The following CPNE4 variants were observed in gnomAD, a reference collection of about 807,000 sequenced individuals.
CPNE4 encodes the protein copine 4, also known as copine-4.
Under a neutral mutation model 67.9 loss-of-function variants are expected in CPNE4, and 25 were observed. That is an observed-to-expected ratio of 0.37 (90% CI 0.27 to 0.51). The LOEUF (loss-of-function observed/expected upper bound fraction) is 0.51, where lower values mean the gene tolerates loss of function less well. CPNE4 is among the 20% of genes least tolerant of loss of function. The pLI, the probability that CPNE4 is intolerant of heterozygous loss-of-function variation, is 0.93. For missense variants in CPNE4, 464 were observed against 690.8 expected (o/e 0.67, Z 3.68); for synonymous variants, 242 against 244.9 (o/e 0.99, Z 0.11).
chr3:131,637,589 G>A (rs1421141879), intron 7 of CPNE4, among the ~76,000 whole-genome samples: 1 of 152,172 alleles, frequency 6.6e-6, no homozygotes, highest in Admixed American at 6.5e-5. Flanking sequence ...CAAGGAAGAA[G>A]AGAAATCTAA....
At chr3:131,644,594 C>G (rs2079618466) in intron 7 of CPNE4, among the ~76,000 whole-genome samples, 1 of 152,130 alleles carries the variant, frequency 6.6e-6, no homozygotes, top group South Asian at 2.1e-4. Context: ...ATATGAATCA[C>G]ATTTATTCTT....
chr3:132,001,567 G>GAAAGAAAT, intron 1 of CPNE4, among the ~76,000 whole-genome samples: 1 of 134,332 alleles, frequency 7.4e-6, no homozygotes, highest in African/African-American at 2.9e-5. Flanking sequence ...AAGAAAGAAA[G>GAAAGAAAT]AAAGAAAGAA....
At chr3:131,688,545 T>C (rs2080952013) in intron 5 of CPNE4, among the ~76,000 whole-genome samples, 1 of 152,216 alleles carries the variant, frequency 6.6e-6, no homozygotes, top group Admixed American at 6.5e-5. Flanking sequence ...AGTAGCTTGT[T>C]CCTACGTGCC....
intron 3 of CPNE4, among the ~76,000 whole-genome samples, chr3:131,711,309 G>A (rs755375531): frequency 6.6e-6 from 1 of 152,190 alleles, no homozygotes; most frequent in Non-Finnish European, 1.5e-5. Flanking sequence ...CACTGCTTTT[G>A]TCTTCTCAAT....
intron 1 of CPNE4, among the ~76,000 whole-genome samples, chr3:131,999,030 G>A (rs1287836879): frequency 1.3e-5 from 2 of 151,898 alleles, no homozygotes; most frequent in East Asian, 1.9e-4. Flanking sequence ...GGGTGGGCAG[G>A]GGAGGCTAAG....
intron 7 of CPNE4, among the ~76,000 whole-genome samples, chr3:131,628,796 T>C (rs1376101453): frequency 6.6e-6 from 1 of 152,268 alleles, no homozygotes; most frequent in East Asian, 1.9e-4. Context: ...CTTTTCTTCT[T>C]TATTAGTCTT....
chr3:131,694,839 CA>C (rs1449794833), intron 5 of CPNE4, among the ~76,000 whole-genome samples: 1 of 152,204 alleles, frequency 6.6e-6, no homozygotes, highest in East Asian at 1.9e-4. Context: ...GCATCAACAT[CA>C]TAGACAGCAG....
chr3:132,012,173 G>GT (rs10663165), intron 1 of CPNE4, among the ~76,000 whole-genome samples: 94,386 of 136,062 alleles, frequency 0.69, 34,157 homozygotes, highest in South Asian at 0.8. Flanking sequence ...TTGCTTTTTC[G>GT]TTTTTTTTTT....
chr3:131,762,875 T>C (rs1218716040), intron 2 of CPNE4, among the ~76,000 whole-genome samples: 5 of 151,374 alleles, frequency 3.3e-5, no homozygotes, highest in Non-Finnish European at 7.4e-5. Flanking sequence ...TGGTTTTTTT[T>C]CCAATATTGC....
intron 3 of CPNE4, among the ~76,000 whole-genome samples, chr3:131,706,535 G>C (rs2081417501): frequency 6.6e-6 from 1 of 152,118 alleles, no homozygotes; most frequent in African/African-American, 2.4e-5. Context: ...TCCTCCTCTT[G>C]GCCAAGGGCA....
At chr3:131,630,652 T>C (rs1353937488) in intron 7 of CPNE4, among the ~76,000 whole-genome samples, 1 of 152,156 alleles carries the variant, frequency 6.6e-6, no homozygotes, top group African/African-American at 2.4e-5. Context: ...ATATTTCAAG[T>C]CCTCAGGAGA....
intron 2 of CPNE4, among the ~76,000 whole-genome samples, chr3:131,781,731 T>C (rs2107855841): frequency 6.6e-6 from 1 of 152,276 alleles, no homozygotes; most frequent in African/African-American, 2.4e-5. Flanking sequence ...TTACAAACTT[T>C]GGGGTTTCTA....
intron 1 of CPNE4, among the ~76,000 whole-genome samples, chr3:131,941,409 CCA>C (rs1419556466): frequency 6.6e-6 from 1 of 150,720 alleles, no homozygotes; most frequent in African/African-American, 2.4e-5. Context: ...GAAATTTACA[CCA>C]CAGAGTTAGG....
intron 2 of CPNE4, among the ~76,000 whole-genome samples, chr3:131,860,929 T>C (rs570073593): frequency 1.9e-4 from 29 of 152,226 alleles, no homozygotes; most frequent in Non-Finnish European, 4.0e-4. Context: ...TGGACATCAG[T>C]GCAAATGCTA....
chr3:132,029,022 TA>T (rs1382848800), intron 1 of CPNE4, among the ~76,000 whole-genome samples: 1 of 152,134 alleles, frequency 6.6e-6, no homozygotes, highest in Non-Finnish European at 1.5e-5. Flanking sequence ...CAGACACTTT[TA>T]AACACCTCAC....
intron 2 of CPNE4, among the ~76,000 whole-genome samples, chr3:131,767,790 ATTTATTTAT>A (rs1327133789): frequency 6.6e-6 from 1 of 151,684 alleles, no homozygotes; most frequent in African/African-American, 2.4e-5. Context: ...TTATTTATTT[ATTTATTTAT>A]TTATTTTTTA....
chr3:131,581,235 C>T (rs1937815257), intron 9 of CPNE4, among the ~76,000 whole-genome samples: 1 of 152,060 alleles, frequency 6.6e-6, no homozygotes, highest in Admixed American at 6.5e-5. Flanking sequence ...CACTGGACAC[C>T]GTGAAGGGCA....
At chr3:131,908,243 C>T (rs184784017) in intron 1 of CPNE4, among the ~76,000 whole-genome samples, 4 of 152,202 alleles carry the variant, frequency 2.6e-5, no homozygotes, top group South Asian at 4.1e-4. Flanking sequence ...GATTATAAGT[C>T]TATAGCTTCA....
chr3:131,942,964 A>G (rs2071443263), intron 1 of CPNE4, among the ~76,000 whole-genome samples: 1 of 152,090 alleles, frequency 6.6e-6, no homozygotes, highest in Non-Finnish European at 1.5e-5. Flanking sequence ...TGCTTAATCT[A>G]TCTATTCCTC....
Sources: allele counts gnomAD v4.1 joint callset (sites outside exome capture counted in the v4.1 genomes callset), GRCh38; gene constraint gnomAD v4.1.1; transcripts MANE v1.5; gene names NCBI Gene and HGNC (gene_info 2026-07-23, HGNC 2026-07-21).